MEIS1: variants seen among roughly 807,000 people sequenced by gnomAD.
MEIS1 encodes the protein Meis homeobox 1, also known as homeobox protein Meis1.
In MEIS1, 5 loss-of-function variants were observed where a neutral mutation model predicts 50.8. That is an observed-to-expected ratio of 0.10 (90% CI 0.05 to 0.21). The LOEUF (loss-of-function observed/expected upper bound fraction) is 0.21. Among genes scored for constraint, MEIS1 ranks in the 10% least tolerant of loss-of-function variants. The pLI, the probability that MEIS1 is intolerant of heterozygous loss-of-function variation, is 1.00. For synonymous variants in MEIS1, 176 were observed against 179.3 expected (o/e 0.98, Z 0.15); for missense variants, 318 against 517.3 (o/e 0.61, Z 3.74).
At chr2:66,440,083 A>ACACACACC in intron 3 of MEIS1, 99 bp downstream of exon 3, 1 of 1,088,690 alleles carries the variant, frequency 9.2e-7, no homozygotes, top group Non-Finnish European at 1.3e-6. Context: ...ACACACACAC[A>ACACACACC]CACACACACG....
chr2:66,496,541 G>A (rs1379205739), intron 7 of MEIS1, among the ~76,000 whole-genome samples: 5 of 152,156 alleles, frequency 3.3e-5, no homozygotes, highest in Admixed American at 1.3e-4. Context: ...GATTCCTGAC[G>A]TGGAGCGATA....
At chr2:66,483,216 A>ATT (rs774480552) in intron 7 of MEIS1, among the ~76,000 whole-genome samples, 23 of 121,190 alleles carry the variant, frequency 1.9e-4, no homozygotes, top group African/African-American at 2.8e-4. Flanking sequence ...AGTTATGCTT[A>ATT]TTTTTTTTTT....
chr2:66,523,031 C>A (rs1445313655), intron 8 of MEIS1, among the ~76,000 whole-genome samples: 1 of 152,138 alleles, frequency 6.6e-6, no homozygotes, highest in African/African-American at 2.4e-5. Flanking sequence ...GTTACATATA[C>A]CTCAGTGCAG....
At chr2:66,480,562 G>A (rs568736869) in intron 7 of MEIS1, among the ~76,000 whole-genome samples, 2 of 152,250 alleles carry the variant, frequency 1.3e-5, no homozygotes, top group Non-Finnish European at 2.9e-5. Flanking sequence ...TATATTTTTG[G>A]TAAAAAGATT....
chr2:66,437,272 C>G (rs886370828), intron 1 of MEIS1: 5 of 157,456 alleles, frequency 3.2e-5, no homozygotes, highest in African/African-American at 1.2e-4. Context: ...CGTAGCTGTT[C>G]CCATCGTAAC....
intron 6 of MEIS1, among the ~76,000 whole-genome samples, chr2:66,455,325 A>T (rs1672363360): frequency 6.6e-6 from 1 of 152,176 alleles, no homozygotes; most frequent in Non-Finnish European, 1.5e-5. Flanking sequence ...GGCTGAATGT[A>T]CCACATGTAG....
At chr2:66,544,603 T>A (rs1674743867) in intron 8 of MEIS1, among the ~76,000 whole-genome samples, 2 of 152,176 alleles carry the variant, frequency 1.3e-5, no homozygotes, top group Non-Finnish European at 1.5e-5. Context: ...TATTGTGACA[T>A]TTAATTTGTC....
chr2:66,448,606 T>G (rs1444420177), intron 6 of MEIS1, among the ~76,000 whole-genome samples: 1 of 152,186 alleles, frequency 6.6e-6, no homozygotes, highest in Non-Finnish European at 1.5e-5. Context: ...ATTGGTAATG[T>G]TATGCTTTCC....
intron 7 of MEIS1, among the ~76,000 whole-genome samples, chr2:66,478,457 TG>T (rs1436368632): frequency 6.6e-6 from 1 of 152,208 alleles, no homozygotes; most frequent in Non-Finnish European, 1.5e-5. Context: ...ACTTTGCAGC[TG>T]GAACAGATTC....
chr2:66,573,233 A>G lies in MEIS1; in HGVS notation c.*2025A>G, dbSNP rs529559419. The G allele has an allele frequency of 5.3e-5, 8 of 152,354 alleles. No homozygotes were observed. Among genetic ancestry groups the G allele is most frequent in the Admixed American group, 2.0e-4 (3 of 15,308 alleles). The allele number at this position is 152,354 out of a possible 1,614,324, so 9.4% of individuals were successfully genotyped here. ...AACCAATTTTCCAGAACAGCTGTAC[A>G]AGATTTCTGCATGGCAGCCGGCTAA... On this transcript the variant is annotated 3_prime_UTR_variant, in exon 13 of 13. Transcript: ENST00000272369.
At chr2:66,541,162 C>T (rs1165169298) in intron 8 of MEIS1, among the ~76,000 whole-genome samples, 2 of 151,904 alleles carry the variant, frequency 1.3e-5, no homozygotes, top group African/African-American at 4.8e-5. Flanking sequence ...CTCAGCCACC[C>T]GAGTAGCTGG....
At chr2:66,487,264 G>A (rs961430636) in intron 7 of MEIS1, among the ~76,000 whole-genome samples, 10 of 151,940 alleles carry the variant, frequency 6.6e-5, no homozygotes, top group South Asian at 2.1e-4. Flanking sequence ...TTTCATACAC[G>A]CAGAAAAATA....
chr2:66,526,399 G>T (rs756318257), intron 8 of MEIS1, among the ~76,000 whole-genome samples: 1 of 152,140 alleles, frequency 6.6e-6, no homozygotes, highest in African/African-American at 2.4e-5. Context: ...TGGCAGGCCG[G>T]GCCTGGCCTG....
chr2:66,474,477 T>G (rs1672842840), intron 7 of MEIS1, among the ~76,000 whole-genome samples: 1 of 152,228 alleles, frequency 6.6e-6, no homozygotes, highest in South Asian at 2.1e-4. Context: ...TTATCATGGG[T>G]GATAGCACTA....
chr2:66,437,702 T>C, intron 1 of MEIS1, 35 bp from the exon 2 acceptor site: 1 of 1,605,620 alleles, frequency 6.2e-7, no homozygotes, highest in Non-Finnish European at 8.5e-7. Flanking sequence ...CCGCCTGGCC[T>C]CCTGAACCTT....
intron 6 of MEIS1, among the ~76,000 whole-genome samples, chr2:66,462,902 G>A (rs1672552865): frequency 6.6e-6 from 1 of 151,946 alleles, no homozygotes; most frequent in African/African-American, 2.4e-5. Context: ...CAAGATTATA[G>A]AATAAGTGAC....
chr2:66,543,642 G>A (rs543640480), intron 8 of MEIS1, among the ~76,000 whole-genome samples: 10 of 152,138 alleles, frequency 6.6e-5, no homozygotes, highest in Non-Finnish European at 1.3e-4. Context: ...GGAAACACTC[G>A]AGAAAGAACC....
At chr2:66,516,811 A>G (rs930192383) in intron 8 of MEIS1, among the ~76,000 whole-genome samples, 5 of 152,178 alleles carry the variant, frequency 3.3e-5, no homozygotes, top group African/African-American at 1.2e-4. Flanking sequence ...GAAGAGACAG[A>G]TGTTGTTTCA....
intron 6 of MEIS1, among the ~76,000 whole-genome samples, chr2:66,463,392 C>A (rs910609538): frequency 1.5e-4 from 23 of 152,020 alleles, no homozygotes; most frequent in African/African-American, 5.3e-4. Flanking sequence ...GGAGAGGTGT[C>A]GCCATGATTG....
Sources: gnomAD v4.1 joint callset for allele counts (sites outside exome capture counted in the v4.1 genomes callset) on GRCh38, gnomAD v4.1.1 for gene constraint, MANE v1.5 for transcripts, NCBI Gene and HGNC (gene_info 2026-07-23, HGNC 2026-07-21) for gene names.